CAMK2D: variants seen among roughly 807,000 people sequenced by gnomAD.
CAMK2D encodes calcium/calmodulin dependent protein kinase II delta.
CAMK2D carries 37 observed loss-of-function variants against 84.0 expected under a neutral mutation model. That is an observed-to-expected ratio of 0.44 (90% CI 0.34 to 0.58). The LOEUF (loss-of-function observed/expected upper bound fraction) is 0.58, where lower values mean the gene tolerates loss of function less well. Among genes scored for constraint, CAMK2D ranks in the 20% least tolerant of loss-of-function variants. The probability of loss-of-function intolerance (pLI) is 0.02; values close to 1 mark genes in which losing one functional copy is unlikely to be tolerated. For missense variants in CAMK2D, 448 were observed against 652.5 expected, an observed-to-expected ratio of 0.69 and a Z score of 3.41; for synonymous variants, 202 against 212.5, an observed-to-expected ratio of 0.95 and a Z score of 0.43.
chr4:113,754,819 C>A, intron 2 of CAMK2D: 1 of 983,912 alleles, frequency 1.0e-6, no homozygotes, highest in Non-Finnish European at 1.2e-6. Flanking sequence ...GTAAAGGATA[C>A]AAAATAATAA....
chr4:113,457,605 T>C (rs2154101380), intron 18 of CAMK2D, 42 bp from the exon 19 acceptor site: 2 of 1,504,356 alleles, frequency 1.3e-6, no homozygotes, highest in Non-Finnish European at 1.8e-6. Context: ...AGTTTCTATG[T>C]AAAGGAAACT....
intron 2 of CAMK2D, among the ~76,000 whole-genome samples, chr4:113,663,809 T>C (rs2154316230): frequency 6.6e-6 from 1 of 150,772 alleles, no homozygotes; most frequent in Non-Finnish European, 1.5e-5. Context: ...TTCTACAGAG[T>C]TTTTGCTATA....
At chr4:113,530,458 G>T (rs530005750) in intron 8 of CAMK2D, among the ~76,000 whole-genome samples, 2 of 152,130 alleles carry the variant, frequency 1.3e-5, no homozygotes, top group South Asian at 2.1e-4. Flanking sequence ...TTAAATTTCA[G>T]ATTTTTTGAT....
At chr4:113,633,431 A>G (rs1466321280) in intron 3 of CAMK2D, among the ~76,000 whole-genome samples, 2 of 152,200 alleles carry the variant, frequency 1.3e-5, no homozygotes, top group Non-Finnish European at 1.5e-5. Flanking sequence ...CAATAGCAAC[A>G]AAGAGTGCAA....
rs59818897 is a variant in CAMK2D, at chr4:113,755,173, TAC to T, written c.160+4145_160+4146del. ...AACATCAAAAAAGGTTACTTAGGGA[TAC>T]ACACACACACACACACACACACACA... is the stretch of plus-strand genomic sequence containing the variant. On this transcript the variant is annotated intron_variant, in intron 2 of 20. Coordinates refer to ENST00000511664, the MANE Select transcript of CAMK2D (RefSeq NM_001321571.2). The T allele has an allele frequency of 6.5e-3, 1,067 of 163,572 alleles. 3 individuals are homozygous for T. Among genetic ancestry groups the T allele is most frequent in the East Asian group, 0.015 (73 of 5,010 alleles). The allele number at this position is 163,572 out of a possible 1,614,324, so 10.1% of individuals were successfully genotyped here.
chr4:113,712,086 G>A (rs1212342918), intron 2 of CAMK2D, among the ~76,000 whole-genome samples: 3 of 152,084 alleles, frequency 2.0e-5, no homozygotes, highest in African/African-American at 7.2e-5. Context: ...TTTAGTGTAA[G>A]TCATTGAACT....
rs960133171 is a variant in CAMK2D, at chr4:113,465,603, T to C, written c.1137A>G (p.Ala379=). The C allele has an allele frequency of 8.1e-6, 13 of 1,598,932 alleles. No homozygotes were observed. Among genetic ancestry groups the C allele is most frequent in the Non-Finnish European group, 1.1e-5 (13 of 1,166,676 alleles). ...NTTIEDEDVK[A]RKQEIIKVTE... ...TGACTTTGATAATCTCTTGCTTTCG[T>C]GCTAAAGGCAAAAATATGGAGTTGG... The change falls in exon 17 of 21, where the codon GCA becomes GCG. Residue 379 remains alanine (A), a splice_region_variant and synonymous_variant. Coordinates refer to ENST00000511664, the MANE Select transcript of CAMK2D (RefSeq NM_001321571.2).
At chr4:113,698,584 T>G (rs111511288) in intron 2 of CAMK2D, among the ~76,000 whole-genome samples, 1,826 of 152,230 alleles carry the variant, frequency 0.012, 38 homozygotes, top group African/African-American at 0.041. Context: ...ATTTAAAATA[T>G]TTTACAAATA....
intron 2 of CAMK2D, among the ~76,000 whole-genome samples, chr4:113,723,193 T>C (rs2099536150): frequency 6.6e-6 from 1 of 152,048 alleles, no homozygotes; most frequent in African/African-American, 2.4e-5. Flanking sequence ...GCTTACTGAA[T>C]ATTATTTCAT....
chr4:113,556,631 AC>A (rs1302247935), intron 4 of CAMK2D, among the ~76,000 whole-genome samples: 1 of 152,164 alleles, frequency 6.6e-6, no homozygotes, highest in African/African-American at 2.4e-5. Context: ...GTGCGGCAGA[AC>A]TACCTTGTCA....
chr4:113,561,159 C>A (rs2098696666), intron 4 of CAMK2D, among the ~76,000 whole-genome samples: 1 of 152,114 alleles, frequency 6.6e-6, no homozygotes, highest in African/African-American at 2.4e-5. Flanking sequence ...TCATTCCTCA[C>A]AATATTCAGG....
intron 2 of CAMK2D, among the ~76,000 whole-genome samples, chr4:113,731,351 A>G (rs2099568426): frequency 6.6e-6 from 1 of 152,224 alleles, no homozygotes; most frequent in Admixed American, 6.5e-5. Flanking sequence ...CAGGCCTTAT[A>G]AAGAAATAAA....
chr4:113,495,319 A>G (rs2097913836), intron 16 of CAMK2D, among the ~76,000 whole-genome samples: 1 of 151,982 alleles, frequency 6.6e-6, no homozygotes, highest in Admixed American at 6.5e-5. Flanking sequence ...AAAATACCCA[A>G]GAGTTTCTTA....
intron 2 of CAMK2D, among the ~76,000 whole-genome samples, chr4:113,712,418 T>C (rs903094955): frequency 1.3e-5 from 2 of 152,186 alleles, no homozygotes; most frequent in African/African-American, 4.8e-5. Context: ...AGCTGGATGC[T>C]AAGCTGGATA....
At chr4:113,723,858 G>A (rs1439121642) in intron 2 of CAMK2D, among the ~76,000 whole-genome samples, 1 of 152,070 alleles carries the variant, frequency 6.6e-6, no homozygotes, top group Non-Finnish European at 1.5e-5. Flanking sequence ...TGTTATCAAG[G>A]TTAAAGTATT....
chr4:113,625,021 T>C (rs2099061627), intron 3 of CAMK2D, among the ~76,000 whole-genome samples: 1 of 152,208 alleles, frequency 6.6e-6, no homozygotes, highest in Non-Finnish European at 1.5e-5. Flanking sequence ...ACCAAGCACA[T>C]GGAATCAGTT....
At chr4:113,478,992 C>T (rs547550820) in intron 16 of CAMK2D, among the ~76,000 whole-genome samples, 1 of 152,102 alleles carries the variant, frequency 6.6e-6, no homozygotes, top group African/African-American at 2.4e-5. Flanking sequence ...CTGTGTTTTG[C>T]CAGACAGACA....
At chr4:113,558,662 C>G (rs2098682417) in intron 4 of CAMK2D, among the ~76,000 whole-genome samples, 1 of 152,122 alleles carries the variant, frequency 6.6e-6, no homozygotes, top group Non-Finnish European at 1.5e-5. Flanking sequence ...CATATACACA[C>G]ACATACACTA....
At chr4:113,735,282 T>A (rs1350133307) in intron 2 of CAMK2D, among the ~76,000 whole-genome samples, 2 of 94,086 alleles carry the variant, frequency 2.1e-5, no homozygotes, top group Non-Finnish European at 3.7e-5. Flanking sequence ...CAAAACCATC[T>A]CTACAGGAAA....
Sources: gnomAD v4.1 joint callset for allele counts (sites outside exome capture counted in the v4.1 genomes callset) on GRCh38, gnomAD v4.1.1 for gene constraint, MANE v1.5 for transcripts, NCBI Gene and HGNC (gene_info 2026-07-23, HGNC 2026-07-21) for gene names.